FOCAD: variants seen among roughly 807,000 people sequenced by gnomAD.
FOCAD encodes the protein focadhesin, also known as KIAA1797.
FOCAD carries 198 observed loss-of-function variants against 225.6 expected under a neutral mutation model. That is an observed-to-expected ratio of 0.88 (90% CI 0.78 to 0.99). The LOEUF is 0.99. Among genes scored for constraint, FOCAD ranks in the 50% least tolerant of loss-of-function variants. The probability of loss-of-function intolerance (pLI) is 0.00; values close to 1 mark genes in which losing one functional copy is unlikely to be tolerated. For missense variants in FOCAD, 2,713 were observed against 2,123.6 expected, an observed-to-expected ratio of 1.28 and a Z score of -5.46; for synonymous variants, 897 against 755.0, an observed-to-expected ratio of 1.19 and a Z score of -3.08.
chr9:20,779,116 GTAGT>G (rs1422194252), intron 9 of FOCAD, among the ~76,000 whole-genome samples: 1 of 152,160 alleles, frequency 6.6e-6, no homozygotes, highest in Non-Finnish European at 1.5e-5. Context: ...TTTAGTAGTT[GTAGT>G]TATTTTTAAA....
chr9:20,933,778 A>G (rs1835703586), intron 28 of FOCAD, among the ~76,000 whole-genome samples: 2 of 152,138 alleles, frequency 1.3e-5, no homozygotes, highest in Non-Finnish European at 2.9e-5. Flanking sequence ...TTAGTTGTTT[A>G]AGGAATCTCC....
intron 1 of FOCAD, among the ~76,000 whole-genome samples, chr9:20,692,778 A>G (rs1158894764): frequency 6.6e-6 from 1 of 152,214 alleles, no homozygotes; most frequent in Non-Finnish European, 1.5e-5. Flanking sequence ...TAGAACTTCT[A>G]CAGCTTCACT....
chr9:20,954,113 G>A (rs568322064), intron 35 of FOCAD, among the ~76,000 whole-genome samples: 2 of 152,234 alleles, frequency 1.3e-5, no homozygotes, highest in South Asian at 4.1e-4. Context: ...CTAGGGTCCT[G>A]AATTAGCATG....
intron 14 of FOCAD, among the ~76,000 whole-genome samples, chr9:20,822,113 C>G (rs1337121141): frequency 6.7e-6 from 1 of 150,064 alleles, no homozygotes; most frequent in Non-Finnish European, 1.5e-5. Context: ...AAGTTATTGG[C>G]TGACATTCTT....
Position 20,927,490 on chromosome 9 carries a change from TTAAA to T in FOCAD, c.3078+1076_3078+1079del, listed in dbSNP as rs569837241. On this transcript the variant is annotated intron_variant, in intron 26 of 43. Coordinates refer to ENST00000338382, the MANE Select transcript of FOCAD (RefSeq NM_001375567.1). ...TTTATGTAAAAAGTTTTGAAAACTG[TTAAA>T]TACTCTATAAATACAAAGTAATGTT... Among the ~76,000 whole-genome samples the T allele has an allele frequency of 1.4e-4, 22 of 152,234 alleles. No homozygotes were observed. In the East Asian group the frequency reaches 2.7e-3, roughly 19 times the overall value.
intron 1 of FOCAD, among the ~76,000 whole-genome samples, chr9:20,689,392 G>A (rs1563878284): frequency 6.8e-6 from 1 of 147,580 alleles, no homozygotes; most frequent in Admixed American, 6.7e-5. Context: ...GCCTATGGTG[G>A]TGATCACTAT....
At chr9:20,919,749 G>A (rs1444747621) in intron 24 of FOCAD, among the ~76,000 whole-genome samples, 1 of 152,082 alleles carries the variant, frequency 6.6e-6, no homozygotes, top group Non-Finnish European at 1.5e-5. Flanking sequence ...TGGGAAAACT[G>A]GCTAGCCATA....
In FOCAD at chr9:20,981,458, A is replaced by G; in HGVS notation, c.4410A>G (p.Ala1470=). 1 of 1,614,118 alleles carries G rather than the reference A, an allele frequency of 6.2e-7. No individual in the cohort carries two copies. The highest frequency in any genetic ancestry group is 8.5e-7 in the Non-Finnish European group (1 of 1,179,974). The change falls in exon 38 of 44, where the codon GCA becomes GCG. Residue 1470 remains alanine (A), a synonymous_variant. Transcript: ENST00000338382. ...LNTKRYLLIS[A]PLWIKHISDE... ...CCAAGAGATATCTCCTGATATCTGC[A>G]CCTCTGTGGATAAAACACATCTCTG... is the stretch of plus-strand genomic sequence containing the variant.
chr9:20,907,348 C>A lies in FOCAD; in HGVS notation c.2718+106C>A. On this transcript the variant is annotated intron_variant, in intron 22 of 43. Transcript: ENST00000338382. ...AAAGCACTTGGGAAAATAGCACTAC[C>A]AAAAATGTAATGGTTATTTTTACTC... The A allele has an allele frequency of 5.9e-6, 5 of 847,380 alleles. No individual in the cohort carries two copies. The Admixed American group carries it at 6.0e-5, about 10-fold the overall frequency. 52.5% of individuals were successfully genotyped at this position (847,380 alleles called of 1,614,324 possible).
intron 28 of FOCAD, among the ~76,000 whole-genome samples, chr9:20,936,168 T>C (rs1835942000): frequency 1.3e-5 from 2 of 152,204 alleles, no homozygotes; most frequent in Non-Finnish European, 2.9e-5. Flanking sequence ...GTGTTCATTG[T>C]TACTAGGAAT....
Position 20,815,142 on chromosome 9 carries a change from T to TTG in FOCAD, c.1456-4653_1456-4652insGT, listed in dbSNP as rs1318619102. Among the ~76,000 whole-genome samples, 54 of 122,918 alleles carry TTG rather than the reference T, an allele frequency of 4.4e-4. 1 individual carries two copies. Among genetic ancestry groups the TTG allele is most frequent in the African/African-American group, 1.6e-3 (51 of 32,434 alleles). The allele number at this position is 122,918 out of a possible 152,430, so 80.6% of individuals were successfully genotyped here. A position where few individuals can be genotyped will look rare whatever the true frequency, so the allele number is the denominator to read the frequency against. ...CTCTTTGTTTTTTTTTTTTTGTTTT[T>TTG]TTTTTTTTTTTTGAGACAGTCTCGC... On this transcript the variant is annotated intron_variant, in intron 11 of 43. Coordinates refer to ENST00000338382, the MANE Select transcript of FOCAD (RefSeq NM_001375567.1).
intron 18 of FOCAD, among the ~76,000 whole-genome samples, chr9:20,869,543 C>A (rs1829585516): frequency 1.3e-5 from 2 of 151,920 alleles, no homozygotes; most frequent in Admixed American, 6.6e-5. Context: ...GATATCAGAA[C>A]AAAGATTTAG....
At chr9:20,728,272 A>T (rs552762866) in intron 4 of FOCAD, among the ~76,000 whole-genome samples, 10 of 152,266 alleles carry the variant, frequency 6.6e-5, no homozygotes, top group African/African-American at 2.4e-4. Context: ...GGATTTTGGG[A>T]TATTTGCATA....
intron 21 of FOCAD, among the ~76,000 whole-genome samples, chr9:20,903,820 A>G (rs765279494): frequency 2.0e-5 from 3 of 151,940 alleles, no homozygotes; most frequent in African/African-American, 7.2e-5. Flanking sequence ...TTGTACAACT[A>G]TCACCTCTAT....
At chr9:20,932,544 TA>T (rs756847436) in intron 27 of FOCAD, among the ~76,000 whole-genome samples, 67 of 152,136 alleles carry the variant, frequency 4.4e-4, no homozygotes, top group Middle Eastern at 3.4e-3. Flanking sequence ...AAAAAGTAAG[TA>T]AAGGAATAGA....
intron 28 of FOCAD, among the ~76,000 whole-genome samples, chr9:20,942,973 G>A (rs898257931): frequency 1.3e-5 from 2 of 152,146 alleles, no homozygotes; most frequent in African/African-American, 4.8e-5. Flanking sequence ...GTCAAAGAGA[G>A]AACAACAGTC....
chr9:20,852,892 G>A (rs1294776885), intron 15 of FOCAD, among the ~76,000 whole-genome samples: 5 of 151,418 alleles, frequency 3.3e-5, no homozygotes, highest in East Asian at 1.9e-4. Context: ...CCAGTAGTTC[G>A]ATTTATTGAG....
chr9:20,928,286 T>C (rs1835146987), intron 26 of FOCAD, among the ~76,000 whole-genome samples: 1 of 152,220 alleles, frequency 6.6e-6, no homozygotes, highest in African/African-American at 2.4e-5. Context: ...AAAGTCACTT[T>C]ATTTCATGTG....
intron 4 of FOCAD, among the ~76,000 whole-genome samples, chr9:20,720,769 T>G (rs1254180002): frequency 6.6e-6 from 1 of 152,218 alleles, no homozygotes; most frequent in Non-Finnish European, 1.5e-5. Flanking sequence ...AAATTTGTCG[T>G]TGCCCTTTTT....
Sources: allele counts gnomAD v4.1 joint callset (sites outside exome capture counted in the v4.1 genomes callset), GRCh38; gene constraint gnomAD v4.1.1; transcripts MANE v1.5; gene names NCBI Gene and HGNC (gene_info 2026-07-23, HGNC 2026-07-21).